CNTNAP2: variants seen among roughly 807,000 people sequenced by gnomAD.
CNTNAP2 encodes contactin associated protein 2.
In CNTNAP2, 98 loss-of-function variants were observed where a neutral mutation model predicts 155.2. The observed-to-expected ratio is 0.63, with a 90% CI of 0.54 to 0.75. The LOEUF (loss-of-function observed/expected upper bound fraction) is 0.75. Ranked by LOEUF, CNTNAP2 falls within the 30% of genes least tolerant of loss-of-function variation. The pLI, the probability that CNTNAP2 is intolerant of heterozygous loss-of-function variation, is 0.00. For missense variants in CNTNAP2, 1,727 were observed against 1,688.1 expected (o/e 1.02, Z -0.40); for synonymous variants, 651 against 631.2 (o/e 1.03, Z -0.47).
At chr7:148,157,249 C>A (rs1032041841) in intron 17 of CNTNAP2, among the ~76,000 whole-genome samples, 1 of 152,098 alleles carries the variant, frequency 6.6e-6, no homozygotes, top group African/African-American at 2.4e-5. Context: ...TAAATGAATA[C>A]GTTTATTTAT....
chr7:146,303,126 A>G lies in CNTNAP2; in HGVS notation c.97+186153A>G, dbSNP rs570956488. On this transcript the variant is annotated intron_variant, in intron 1 of 23. Coordinates refer to ENST00000361727, the MANE Select transcript of CNTNAP2 (RefSeq NM_014141.6). ...TGTGTGTGCGCATGCATACATGAAC[A>G]CGTGTCATGGGAGACATGGGTAGGG... Among the ~76,000 whole-genome samples, 307 of 151,832 alleles carry G rather than the reference A, an allele frequency of 2.0e-3. 3 individuals are homozygous for G. The highest frequency in any genetic ancestry group is 7.0e-3 in the African/African-American group (288 of 41,390).
chr7:147,850,648 C>T (rs954861378), intron 13 of CNTNAP2, among the ~76,000 whole-genome samples: 8 of 152,194 alleles, frequency 5.3e-5, no homozygotes, highest in Non-Finnish European at 8.8e-5. Context: ...CTTTGACAAA[C>T]TTGACAAAAA....
At chr7:147,104,158 A>G (rs1800709138) in intron 4 of CNTNAP2, among the ~76,000 whole-genome samples, 1 of 152,098 alleles carries the variant, frequency 6.6e-6, no homozygotes, top group South Asian at 2.1e-4. Context: ...GGTGAAACAT[A>G]TGAGAATTCT....
chr7:146,898,736 T>A (rs1391438706), intron 3 of CNTNAP2, among the ~76,000 whole-genome samples: 1 of 152,104 alleles, frequency 6.6e-6, no homozygotes, highest in Non-Finnish European at 1.5e-5. Flanking sequence ...TGTGGTTTCT[T>A]CCGATACTCA....
At chr7:147,517,741 C>A (rs851829) in intron 11 of CNTNAP2, among the ~76,000 whole-genome samples, 92,552 of 152,018 alleles carry the variant, frequency 0.61, 30,072 homozygotes, top group South Asian at 0.77. Context: ...AATCCATGTC[C>A]CAGAAACTTA....
At chr7:147,844,990 G>A (rs1243277126) in intron 13 of CNTNAP2, among the ~76,000 whole-genome samples, 462 of 131,182 alleles carry the variant, frequency 3.5e-3, no homozygotes, top group African/African-American at 4.0e-3. Flanking sequence ...TGCTGGATTC[G>A]GTTTGCCAGT....
intron 12 of CNTNAP2, among the ~76,000 whole-genome samples, chr7:147,633,588 C>T (rs111241524): frequency 1.0e-3 from 159 of 152,288 alleles, no homozygotes; most frequent in Middle Eastern, 6.8e-3. Flanking sequence ...ACCCAAATCT[C>T]ATCCTGAATT....
In CNTNAP2 at chr7:147,800,104, T is replaced by C. The variant is rs6651096; in HGVS notation, c.2099-103461T>C. The stretch of plus-strand genomic sequence containing the variant: ...ATAAGACAATGAGGCAATAGTGCCA[T>C]TGCTTGTGGCAATTTTTAAACTCCA... On this transcript the variant is annotated intron_variant, in intron 13 of 23. Coordinates refer to ENST00000361727, the MANE Select transcript of CNTNAP2 (RefSeq NM_014141.6). Among the ~76,000 whole-genome samples, 1,354 of 152,338 alleles carry C rather than the reference T, an allele frequency of 8.9e-3. 24 individuals are homozygous for C. Among genetic ancestry groups the C allele is most frequent in the African/African-American group, 0.031 (1,285 of 41,578 alleles).
chr7:147,980,432 C>A (rs1801501495), intron 15 of CNTNAP2, among the ~76,000 whole-genome samples: 1 of 152,100 alleles, frequency 6.6e-6, no homozygotes, highest in South Asian at 2.1e-4. Flanking sequence ...TTCAGAGAAA[C>A]TCTTTTAAAT....
chr7:148,027,107 G>A (rs116440661), intron 15 of CNTNAP2, among the ~76,000 whole-genome samples: 137 of 152,240 alleles, frequency 9.0e-4, no homozygotes, highest in African/African-American at 3.0e-3. Flanking sequence ...ACGACTGTGT[G>A]TGAGAAAAGC....
intron 3 of CNTNAP2, among the ~76,000 whole-genome samples, chr7:147,027,275 C>G (rs1296321340): frequency 6.6e-6 from 1 of 152,164 alleles, no homozygotes; most frequent in African/African-American, 2.4e-5. Context: ...TCACATTGCA[C>G]AAGAAGTGGA....
At chr7:146,266,530 A>G (rs1371134069) in intron 1 of CNTNAP2, among the ~76,000 whole-genome samples, 1 of 152,136 alleles carries the variant, frequency 6.6e-6, no homozygotes, top group African/African-American at 2.4e-5. Flanking sequence ...ACTTGTGGAG[A>G]GACTGATGTT....
chr7:148,335,084 T>C (rs534463869), intron 21 of CNTNAP2, among the ~76,000 whole-genome samples: 16 of 152,266 alleles, frequency 1.1e-4, no homozygotes, highest in African/African-American at 3.9e-4. Context: ...GAAGCATGAC[T>C]AAGCTGATTT....
chr7:147,934,201 A>C (rs1326411259), intron 14 of CNTNAP2, among the ~76,000 whole-genome samples: 2 of 152,232 alleles, frequency 1.3e-5, no homozygotes, highest in East Asian at 1.9e-4. Flanking sequence ...TTCATACTAC[A>C]GTTAGAGTAT....
chr7:146,387,392 T>A (rs1277226604), intron 1 of CNTNAP2, among the ~76,000 whole-genome samples: 1 of 152,150 alleles, frequency 6.6e-6, no homozygotes, highest in Non-Finnish European at 1.5e-5. Context: ...CCTACTCCCC[T>A]TCAGCCCTAG....
rs1024652530 is a variant in CNTNAP2, at chr7:148,420,928, A to C, written c.*5312A>C. The C allele has an allele frequency of 6.6e-6, 1 of 152,670 alleles. No individual in the cohort carries two copies. Among genetic ancestry groups the C allele is most frequent in the Non-Finnish European group, 1.5e-5 (1 of 68,040 alleles). The allele number at this position is 152,670 out of a possible 1,614,324, so 9.5% of individuals were successfully genotyped here. A position where few individuals can be genotyped will look rare whatever the true frequency, so the allele number is the denominator to read the frequency against. Reference sequence around the variant, plus strand: ...CTAATATTCTTTGTGAATGTCTTTCATTTAACTAAAATTATATTAGAAACC... The same window carrying C: ...CTAATATTCTTTGTGAATGTCTTTCCTTTAACTAAAATTATATTAGAAACC... On this transcript the variant is annotated 3_prime_UTR_variant, in exon 24 of 24. Coordinates refer to ENST00000361727, the MANE Select transcript of CNTNAP2 (RefSeq NM_014141.6).
At chr7:146,624,159 A>G (rs1427454173) in intron 1 of CNTNAP2, among the ~76,000 whole-genome samples, 4 of 151,842 alleles carry the variant, frequency 2.6e-5, no homozygotes, top group Non-Finnish European at 4.4e-5. Context: ...TAATTTGGAT[A>G]TATGTACCTT....
intron 8 of CNTNAP2, among the ~76,000 whole-genome samples, chr7:147,184,688 A>G (rs535378044): frequency 5.3e-4 from 80 of 152,200 alleles, no homozygotes; most frequent in African/African-American, 1.9e-3. Context: ...ATTGGAGAGG[A>G]AATGAGGGAA....
rs761686284 is a variant in CNTNAP2 at position 148,415,752 on chromosome 7, T to G, written c.*136T>G. On this transcript the variant is annotated 3_prime_UTR_variant, in exon 24 of 24. Coordinates refer to ENST00000361727, the MANE Select transcript of CNTNAP2 (RefSeq NM_014141.6). ...AAGTTGGGGGAGGCAGGCAATGGAA[T>G]ATAATGGAATATTCTTGAGACTGAT... 2.1e-5 allele frequency: 19 copies of G among 907,938 alleles called. No individual in the cohort carries two copies. The highest frequency in any genetic ancestry group is 6.2e-5 in the South Asian group (4 of 64,310). 56.2% of individuals were successfully genotyped at this position (907,938 alleles called of 1,614,324 possible).
Sources: gnomAD v4.1 joint callset for allele counts (sites outside exome capture counted in the v4.1 genomes callset) on GRCh38, gnomAD v4.1.1 for gene constraint, MANE v1.5 for transcripts, NCBI Gene and HGNC (gene_info 2026-07-23, HGNC 2026-07-21) for gene names.